Variants in JKAMP observed in about 807,000 individuals in gnomAD.
JKAMP encodes JNK1/MAPK8-associated membrane protein.
In JKAMP, 20 loss-of-function variants were observed where a neutral mutation model predicts 40.2. The ratio of observed to expected loss-of-function variants is 0.50; its 90% CI spans 0.35 to 0.72. The LOEUF (loss-of-function observed/expected upper bound fraction) is 0.72. Ranked by LOEUF, JKAMP falls within the 30% of genes least tolerant of loss-of-function variation. The probability of loss-of-function intolerance (pLI) is 0.01; values close to 1 mark genes in which losing one functional copy is unlikely to be tolerated. For synonymous variants in JKAMP, 138 were observed against 131.6 expected, an observed-to-expected ratio of 1.05 and a Z score of -0.33; for missense variants, 276 against 373.0, an observed-to-expected ratio of 0.74 and a Z score of 2.14.
At chr14:59,492,921 C>T (rs887372434) in intron 3 of JKAMP, among the ~76,000 whole-genome samples, 2 of 151,872 alleles carry the variant, frequency 1.3e-5, no homozygotes, top group African/African-American at 4.8e-5. Flanking sequence ...CCTCAGCCTC[C>T]CGAGTAGCTG....
At chr14:59,502,752 T>TTTTTTTTTGTTTTGTTTTGTTTTG (rs1566583894) in intron 6 of JKAMP, among the ~76,000 whole-genome samples, 11 of 76,766 alleles carry the variant, frequency 1.4e-4, no homozygotes, top group Admixed American at 2.8e-4. Context: ...AAAATGAGAT[T>TTTTTTTTTGTTTTGTTTTGTTTTG]TTTTTTTTTT....
Position 59,486,872 on chromosome 14 carries a change from C to T in JKAMP, c.96+68C>T, listed in dbSNP as rs906139997. ...TTTGCTTTTGAAATATTTTCACATA[C>T]AACATTTTTTGTTATTATACTCATT... On this transcript the variant is annotated intron_variant, in intron 2 of 6. Transcript: ENST00000616435. 21 of 1,110,740 alleles carry T rather than the reference C, an allele frequency of 1.9e-5. No individual in the cohort carries two copies. The African/African-American group carries it at 2.4e-4, about 13-fold the overall frequency. The allele number at this position is 1,110,740 out of a possible 1,614,324, so 68.8% of individuals were successfully genotyped here. A position where few individuals can be genotyped will look rare whatever the true frequency, so the allele number is the denominator to read the frequency against.
At chr14:59,492,826 C>A (rs1353257380) in intron 3 of JKAMP, among the ~76,000 whole-genome samples, 1 of 134,650 alleles carries the variant, frequency 7.4e-6, no homozygotes, top group Non-Finnish European at 1.5e-5. Flanking sequence ...TGAGACGAGT[C>A]TTGCTCTGTT....
At chr14:59,502,969 C>G (rs144002116) in intron 6 of JKAMP, among the ~76,000 whole-genome samples, 1 of 151,520 alleles carries the variant, frequency 6.6e-6, no homozygotes, top group African/African-American at 2.4e-5. Context: ...AGGCTGGTCT[C>G]AAACTCCTGA....
At position 59,505,062 on chromosome 14, in the gene JKAMP, G is replaced by A; in HGVS notation, c.*990G>A. ...GCTCTTAACCTAACAACCTGACCATGTTTATCCATTTTTATTGTTTAGAAG... is the reference window on the plus strand; with the variant it reads ...GCTCTTAACCTAACAACCTGACCATATTTATCCATTTTTATTGTTTAGAAG... On this transcript the variant is annotated 3_prime_UTR_variant, in exon 7 of 7. Coordinates refer to ENST00000616435, the MANE Select transcript of JKAMP (RefSeq NM_016475.5). 4.9e-6 allele frequency: 2 copies of A among 405,934 alleles called. No individual in the cohort carries two copies. The highest frequency in any genetic ancestry group is 8.1e-5 in the Admixed American group (2 of 24,592). The allele number at this position is 405,934 out of a possible 1,614,324, so 25.1% of individuals were successfully genotyped here. A position where few individuals can be genotyped will look rare whatever the true frequency, so the allele number is the denominator to read the frequency against.
chr14:59,484,748 C>A, intron 1 of JKAMP, 155 bp downstream of exon 1: 1 of 1,053,310 alleles, frequency 9.5e-7, no homozygotes, highest in Non-Finnish European at 1.4e-6. Context: ...GCTCCGCACT[C>A]CTGCGGGGTT....
chr14:59,498,666 C>A, intron 4 of JKAMP, 61 bp from the exon 5 acceptor site: 3 of 911,134 alleles, frequency 3.3e-6, no homozygotes, highest in East Asian at 2.8e-5. Context: ...TAAAAATGAT[C>A]AAGATTAAAA....
intron 6 of JKAMP, 72 bp from the exon 7 acceptor site, chr14:59,503,782 A>G (rs1165430296): frequency 1.2e-6 from 1 of 859,886 alleles, no homozygotes; most frequent in African/African-American, 1.7e-5. Flanking sequence ...ATATTAAGTT[A>G]TATTAAATTA....
intron 5 of JKAMP, chr14:59,500,874 G>A (rs80202373): frequency 6.1e-5 from 12 of 196,534 alleles, no homozygotes; most frequent in East Asian, 3.7e-4. Context: ...AGTATGAAAC[G>A]TATGTTTTAT....
intron 4 of JKAMP, among the ~76,000 whole-genome samples, chr14:59,497,107 A>T (rs1229928621): frequency 6.6e-6 from 1 of 151,850 alleles, no homozygotes; most frequent in African/African-American, 2.4e-5. Flanking sequence ...CAATGTATAT[A>T]TAGCCTAGTT....
intron 3 of JKAMP, among the ~76,000 whole-genome samples, chr14:59,493,897 A>G (rs1336341141): frequency 6.6e-6 from 1 of 152,182 alleles, no homozygotes; most frequent in Non-Finnish European, 1.5e-5. Context: ...ACAGACAATT[A>G]TATATGAAAC....
At chr14:59,494,957 T>C in intron 3 of JKAMP, 61 bp from the exon 4 acceptor site, 3 of 1,188,554 alleles carry the variant, frequency 2.5e-6, no homozygotes, top group East Asian at 2.4e-5. Flanking sequence ...TGTACATGTT[T>C]TATTAAAGCC....
In JKAMP at chr14:59,502,768, T is replaced by TG. The variant is rs1566584056; in HGVS notation, c.718-1086_718-1085insG. ...AAATGAGATTTTTTTTTTTTTTTTT[T>TG]TTTTTCGGAGTCTCACTCTGTCGCT... is the stretch of plus-strand genomic sequence containing the variant. On this transcript the variant is annotated intron_variant, in intron 6 of 6. Coordinates refer to ENST00000616435, the MANE Select transcript of JKAMP (RefSeq NM_016475.5). Among the ~76,000 whole-genome samples the TG allele has an allele frequency of 1.1e-4, 15 of 140,322 alleles. 1 individual carries two copies. The highest frequency in any genetic ancestry group is 1.6e-4 in the African/African-American group (6 of 37,412). 92.1% of individuals were successfully genotyped at this position (140,322 alleles called of 152,430 possible). A position where few individuals can be genotyped will look rare whatever the true frequency, so the allele number is the denominator to read the frequency against.
intron 4 of JKAMP, among the ~76,000 whole-genome samples, chr14:59,498,019 T>C (rs1594947235): frequency 1.3e-5 from 2 of 152,202 alleles, no homozygotes; most frequent in East Asian, 1.9e-4. Context: ...TGGTGACACA[T>C]AGCTCTTTCT....
intron 3 of JKAMP, 70 bp from the exon 4 acceptor site, chr14:59,494,947 TG>T: frequency 9.6e-7 from 1 of 1,037,296 alleles, no homozygotes; most frequent in East Asian, 2.5e-5. Flanking sequence ...TCTTGACACA[TG>T]TACATGTTTT....
rs760804683 is a variant in JKAMP, at chr14:59,487,730, A to C, written c.153A>C (p.Glu51Asp). 5.0e-6 allele frequency: 8 copies of C among 1,613,212 alleles called. No homozygotes were observed. In the Admixed American group the frequency reaches 8.3e-5, roughly 17 times the overall value. ...AGAAATATTGTCAGCCTTGCACAGA[A>C]TCTCCTGAACTTTATGATTGGCTCT... ...NAQKYCQPCTESPELYDWLYL... is the reference protein window; with the variant it reads ...NAQKYCQPCTDSPELYDWLYL... Residue 51 changes from glutamate (E) to aspartate (D), a missense_variant, in exon 3 of 7, where the codon GAA (glutamate) becomes GAC (aspartate). Physicochemically the swap from Glu to Asp is conservative, Grantham distance 45. Coordinates refer to ENST00000616435, the MANE Select transcript of JKAMP (RefSeq NM_016475.5).
chr14:59,501,327 A>C (rs927457373), intron 6 of JKAMP, 60 bp downstream of exon 6: 2 of 1,036,154 alleles, frequency 1.9e-6, no homozygotes, highest in African/African-American at 3.2e-5. Context: ...ATTCAATATC[A>C]GAATAGTCCA....
At chr14:59,489,797 T>C (rs902794476) in intron 3 of JKAMP, among the ~76,000 whole-genome samples, 4 of 152,050 alleles carry the variant, frequency 2.6e-5, no homozygotes, top group Admixed American at 2.6e-4. Flanking sequence ...AAGCTTACAA[T>C]CATGGCAGAA....
chr14:59,487,599 T>C (rs1018327498), intron 2 of JKAMP, 75 bp from the exon 3 acceptor site: 1 of 1,115,678 alleles, frequency 9.0e-7, no homozygotes, highest in East Asian at 2.4e-5. Flanking sequence ...TGGGATGTCT[T>C]ATAGAATGAT....
Sources: gnomAD v4.1 joint callset for allele counts (sites outside exome capture counted in the v4.1 genomes callset) on GRCh38, gnomAD v4.1.1 for gene constraint, MANE v1.5 for transcripts, NCBI Gene and HGNC (gene_info 2026-07-23, HGNC 2026-07-21) for gene names.